The following TDRD12 variants were observed in gnomAD, a reference collection of about 807,000 sequenced individuals.
TDRD12 encodes the protein tudor domain containing 12, also known as putative ATP-dependent RNA helicase TDRD12.
Under a neutral mutation model 133.5 loss-of-function variants are expected in TDRD12, and 158 were observed. The ratio of observed to expected loss-of-function variants is 1.18; its 90% CI spans 1.04 to 1.35. TDRD12 has a LOEUF of 1.35. Ranked by LOEUF, TDRD12 falls within the 40% of genes most tolerant of loss-of-function variation. TDRD12 has a pLI of 0.00. For missense variants in TDRD12, 1,443 were observed against 1,321.3 expected (o/e 1.09, Z -1.43); for synonymous variants, 460 against 477.9 (o/e 0.96, Z 0.49).
At chr19:32,815,806 C>A (rs1043285990) in intron 26 of TDRD12, among the ~76,000 whole-genome samples, 186 bp downstream of exon 26, 1 of 152,098 alleles carries the variant, frequency 6.6e-6, no homozygotes, top group Admixed American at 6.6e-5. Context: ...CCATCCTGGC[C>A]AACATGGTGA....
intron 2 of TDRD12, among the ~76,000 whole-genome samples, chr19:32,732,744 A>G (rs984699255): frequency 6.6e-6 from 1 of 152,226 alleles, no homozygotes; most frequent in Non-Finnish European, 1.5e-5. Flanking sequence ...ATTTGAATCC[A>G]CTTCCCCCAA....
intron 2 of TDRD12, among the ~76,000 whole-genome samples, chr19:32,732,932 G>GGGGCT: frequency 6.6e-6 from 1 of 152,298 alleles, no homozygotes; most frequent in Non-Finnish European, 1.5e-5. Context: ...CAGCACTTTG[G>GGGGCT]GAGGCCAAGG....
chr19:32,777,117 A>G lies in TDRD12; in HGVS notation c.1041-32A>G. On this transcript the variant is annotated intron_variant, in intron 10 of 27. Transcript: ENST00000444215. Reference sequence around the variant, plus strand: ...TGTGTTGCCCAGGCTGCTGTTCACAAATTTTAATGAATTTTTTTTTTTCAT... The same window carrying G: ...TGTGTTGCCCAGGCTGCTGTTCACAGATTTTAATGAATTTTTTTTTTTCAT... 4.8e-6 allele frequency: 7 copies of G among 1,455,666 alleles called. 1 individual carries two copies. In the South Asian group the frequency reaches 7.8e-5, roughly 16 times the overall value. The allele number at this position is 1,455,666 out of a possible 1,614,324, so 90.2% of individuals were successfully genotyped here.
intron 4 of TDRD12, among the ~76,000 whole-genome samples, chr19:32,745,058 C>T (rs566447757): frequency 7.9e-5 from 12 of 152,172 alleles, no homozygotes; most frequent in African/African-American, 2.7e-4. Flanking sequence ...CCTACCAGGC[C>T]GCCCTCCAGC....
chr19:32,757,740 A>T (rs1599865709), intron 8 of TDRD12, among the ~76,000 whole-genome samples: 1 of 152,266 alleles, frequency 6.6e-6, no homozygotes. Flanking sequence ...ACTTAATTTG[A>T]GGGGCTGCTG....
chr19:32,745,367 C>G (rs1444284675), intron 4 of TDRD12, among the ~76,000 whole-genome samples: 2 of 152,124 alleles, frequency 1.3e-5, no homozygotes, highest in African/African-American at 2.4e-5. Flanking sequence ...CATCTGATGC[C>G]TTTGTGTTTG....
chr19:32,766,550 T>C (rs1333967903), intron 8 of TDRD12, among the ~76,000 whole-genome samples: 1 of 152,184 alleles, frequency 6.6e-6, no homozygotes, highest in Non-Finnish European at 1.5e-5. Context: ...TTTACCCTAT[T>C]TTTTTGCTTT....
At chr19:32,731,390 A>G (rs1230230804) in intron 1 of TDRD12, among the ~76,000 whole-genome samples, 1 of 149,378 alleles carries the variant, frequency 6.7e-6, no homozygotes, top group Admixed American at 6.7e-5. Flanking sequence ...CACCATCTCT[A>G]TTTTTTTTTT....
At chr19:32,775,484 C>A (rs994474030) in intron 10 of TDRD12, among the ~76,000 whole-genome samples, 1 of 152,136 alleles carries the variant, frequency 6.6e-6, no homozygotes, top group Non-Finnish European at 1.5e-5. Context: ...GCATACACCA[C>A]CACAGCTGGC....
intron 11 of TDRD12, among the ~76,000 whole-genome samples, chr19:32,786,856 C>T (rs968127245): frequency 6.6e-6 from 1 of 152,134 alleles, no homozygotes; most frequent in Non-Finnish European, 1.5e-5. Flanking sequence ...AGCTTCCTTA[C>T]GATGGGTTAG....
chr19:32,738,965 C>T (rs1192530648), exon 3 of TDRD12: 4 of 1,550,798 alleles, frequency 2.6e-6, no homozygotes, highest in Non-Finnish European at 3.5e-6. Context: ...GTGGACTTTG[C>T]CAAGAACATT....
chr19:32,749,748 C>T, intron 5 of TDRD12, 36 bp from the exon 6 acceptor site: 1 of 1,417,914 alleles, frequency 7.1e-7, no homozygotes, highest in East Asian at 2.5e-5. Flanking sequence ...ATACTTTTAA[C>T]ATCAGCTGAT....
intron 18 of TDRD12, among the ~76,000 whole-genome samples, chr19:32,801,291 A>G (rs1280711085): frequency 6.6e-6 from 1 of 152,222 alleles, no homozygotes; most frequent in African/African-American, 2.4e-5. Context: ...AAATTGGCTA[A>G]AGATTTATTC....
intron 11 of TDRD12, among the ~76,000 whole-genome samples, chr19:32,789,723 G>A (rs564302258): frequency 1.6e-4 from 24 of 152,294 alleles, no homozygotes; most frequent in Middle Eastern, 3.4e-3. Flanking sequence ...TTACAGGGCC[G>A]GGCGCAGTGG....
chr19:32,749,566 C>G (rs1311782346), intron 5 of TDRD12, among the ~76,000 whole-genome samples: 1 of 151,954 alleles, frequency 6.6e-6, no homozygotes, highest in East Asian at 1.9e-4. Flanking sequence ...AAGAGAGGAC[C>G]ACAGGGTGGC....
At chr19:32,798,722 A>G (rs1971300755) in intron 16 of TDRD12, among the ~76,000 whole-genome samples, 1 of 152,196 alleles carries the variant, frequency 6.6e-6, no homozygotes, top group African/African-American at 2.4e-5. Context: ...AATTTAAGAC[A>G]TGGAGAAGAG....
rs575826094 is a variant in TDRD12 at position 32,742,038 on chromosome 19, A to C, written c.321-743A>C. 3.9e-5 allele frequency among the ~76,000 whole-genome samples: 6 copies of C among 152,370 alleles called. No individual in the cohort carries two copies. The East Asian group carries it at 1.2e-3, about 29-fold the overall frequency. The stretch of plus-strand genomic sequence containing the variant: ...ATTAAACCATCTGTTCATTTACAGA[A>C]ACTTTTAAGGTAATTTTGGTCATAT... On this transcript the variant is annotated intron_variant, in intron 3 of 27. Transcript: ENST00000444215.
chr19:32,729,947 C>T (rs1255264364), intron 1 of TDRD12, among the ~76,000 whole-genome samples: 1 of 151,536 alleles, frequency 6.6e-6, no homozygotes. Flanking sequence ...TCTGCCACCA[C>T]GCCCAGCTAA....
At position 32,731,655 on chromosome 19, in the gene TDRD12, T is replaced by C. The variant is rs533127186; in HGVS notation, c.25-70T>C. ...TTAAATTAGAAACAGTAATCGTGGCTCTAAAGTTTATTTTGTGGTACTACT... is the reference window on the plus strand; with the variant it reads ...TTAAATTAGAAACAGTAATCGTGGCCCTAAAGTTTATTTTGTGGTACTACT... On this transcript the variant is annotated intron_variant, in intron 1 of 27. Transcript: ENST00000444215. 434 of 1,352,746 alleles carry C rather than the reference T, an allele frequency of 3.2e-4. 2 individuals are homozygous for C. The African/African-American group carries it at 5.9e-3, about 19-fold the overall frequency. The allele number at this position is 1,352,746 out of a possible 1,614,324, so 83.8% of individuals were successfully genotyped here. A position where few individuals can be genotyped will look rare whatever the true frequency, so the allele number is the denominator to read the frequency against.
Sources: allele counts gnomAD v4.1 joint callset (sites outside exome capture counted in the v4.1 genomes callset), GRCh38; gene constraint gnomAD v4.1.1; transcripts MANE v1.5; gene names NCBI Gene and HGNC (gene_info 2026-07-23, HGNC 2026-07-21).